MRPL1: variants seen among roughly 807,000 people sequenced by gnomAD.
The protein encoded by MRPL1 is large ribosomal subunit protein uL1m.
In MRPL1, 28 loss-of-function variants were observed where a neutral mutation model predicts 38.0. The ratio of observed to expected loss-of-function variants is 0.74; its 90% confidence interval spans 0.55 to 1.01. The LOEUF (loss-of-function observed/expected upper bound fraction) is 1.01, where lower values mean the gene tolerates loss of function less well. MRPL1 is among the 50% of genes least tolerant of loss of function. The pLI, the probability that MRPL1 is intolerant of heterozygous loss-of-function variation, is 0.00. For synonymous variants in MRPL1, 123 were observed against 126.7 expected (o/e 0.97, Z 0.20); for missense variants, 358 against 389.8 (o/e 0.92, Z 0.69).
chr4:77,891,416 C>T (rs1225628699), intron 5 of MRPL1, among the ~76,000 whole-genome samples: 4 of 148,810 alleles, frequency 2.7e-5, no homozygotes, highest in Admixed American at 6.7e-5. Flanking sequence ...AGTGCAGTGA[C>T]GTGATCTCGG....
chr4:77,899,438 T>C (rs2110243345), intron 6 of MRPL1, among the ~76,000 whole-genome samples: 1 of 152,304 alleles, frequency 6.6e-6, no homozygotes, highest in African/African-American at 2.4e-5. Context: ...TTTCAAATAA[T>C]GGTCTTCAGC....
intron 7 of MRPL1, among the ~76,000 whole-genome samples, chr4:77,939,874 G>A (rs1165909226): frequency 1.3e-5 from 2 of 152,086 alleles, no homozygotes; most frequent in South Asian, 2.1e-4. Context: ...TTATTTCTGG[G>A]TTCTCTATTC....
At chr4:77,882,354 C>T (rs973157660) in intron 2 of MRPL1, among the ~76,000 whole-genome samples, 5 of 152,142 alleles carry the variant, frequency 3.3e-5, no homozygotes, top group Admixed American at 3.3e-4. Context: ...ACACAATTCA[C>T]CCATTTAAAG....
chr4:77,878,112 C>G (rs777528972), intron 2 of MRPL1, among the ~76,000 whole-genome samples: 1 of 152,114 alleles, frequency 6.6e-6, no homozygotes, highest in East Asian at 1.9e-4. Context: ...CGTGCTCTGG[C>G]GCAAGGGAGA....
At chr4:77,877,045 C>T (rs780959045) in intron 2 of MRPL1, among the ~76,000 whole-genome samples, 11 of 152,216 alleles carry the variant, frequency 7.2e-5, no homozygotes, top group Non-Finnish European at 1.2e-4. Flanking sequence ...GGATTACAGG[C>T]GCGCACCACC....
chr4:77,882,669 TATTA>T (rs1735572729), intron 2 of MRPL1, among the ~76,000 whole-genome samples: 2 of 152,264 alleles, frequency 1.3e-5, no homozygotes, highest in African/African-American at 4.8e-5. Flanking sequence ...TTCATTCTTT[TATTA>T]ATTGTTGATT....
intron 6 of MRPL1, among the ~76,000 whole-genome samples, chr4:77,905,851 T>C (rs1314959337): frequency 2.0e-5 from 3 of 152,232 alleles, no homozygotes; most frequent in Non-Finnish European, 4.4e-5. Flanking sequence ...ATCAGTATGA[T>C]ATCAGGCTCA....
At position 77,894,208 on chromosome 4, in the gene MRPL1, T is replaced by G. The variant is rs1360330580; in HGVS notation, c.628T>G (p.Leu210Val). ...AGAAATAATGCCTGAACTTAATCGA[T>G]TAAGGAAGAAACTGAATAAAAAATA... ...VPEIMPELNR[L>V]RKKLNKKYPK... is the part of the protein sequence containing the mutation. The change falls in exon 6 of 9, where the codon TTA (leucine) becomes GTA (valine). Residue 210 changes from leucine (L) to valine (V), a missense_variant. Leu to Val is a conservative substitution (Grantham distance 32). Coordinates refer to ENST00000315567, the MANE Select transcript of MRPL1 (RefSeq NM_020236.4). 5.6e-6 allele frequency: 9 copies of G among 1,606,326 alleles called. No individual in the cohort carries two copies. The East Asian group carries it at 1.3e-4, about 24-fold the overall frequency.
intron 4 of MRPL1, 59 bp downstream of exon 4, chr4:77,885,398 C>CAAA: frequency 7.5e-6 from 10 of 1,338,958 alleles, no homozygotes; most frequent in Non-Finnish European, 1.1e-5. Flanking sequence ...GACGGAGTCT[C>CAAA]ACTCTGTCAC....
chr4:77,905,496 C>CAAAA (rs374398968), intron 6 of MRPL1, among the ~76,000 whole-genome samples: 124 of 63,254 alleles, frequency 2.0e-3, no homozygotes, highest in Non-Finnish European at 2.4e-3. Flanking sequence ...GACTCCGTCT[C>CAAAA]AAAAAAAAAA....
intron 1 of MRPL1, among the ~76,000 whole-genome samples, chr4:77,867,530 C>CTTTTCT (rs548304554): frequency 0.029 from 4,373 of 150,056 alleles, 191 homozygotes; most frequent in African/African-American, 0.1. Flanking sequence ...TTGGATAATT[C>CTTTTCT]TTTTCTTTTT....
At chr4:77,889,268 T>G (rs1045617675) in intron 5 of MRPL1, among the ~76,000 whole-genome samples, 1 of 152,128 alleles carries the variant, frequency 6.6e-6, no homozygotes, top group Non-Finnish European at 1.5e-5. Flanking sequence ...GAACAGAAAT[T>G]ATAACAAACT....
chr4:77,908,668 A>G (rs1040422994), intron 6 of MRPL1, among the ~76,000 whole-genome samples: 1 of 152,230 alleles, frequency 6.6e-6, no homozygotes, highest in Non-Finnish European at 1.5e-5. Flanking sequence ...TATTACCACA[A>G]ACAGTTGCTT....
chr4:77,896,883 G>GT (rs1404883930), intron 6 of MRPL1, among the ~76,000 whole-genome samples: 1 of 151,742 alleles, frequency 6.6e-6, no homozygotes, highest in Non-Finnish European at 1.5e-5. Context: ...ATTAAAACCT[G>GT]TTTTTTTAAA....
intron 4 of MRPL1, among the ~76,000 whole-genome samples, chr4:77,885,565 C>T (rs1735658881): frequency 6.6e-6 from 1 of 152,138 alleles, no homozygotes. Flanking sequence ...CAGGTTTTCA[C>T]CATGTTGGCC....
At chr4:77,895,173 C>T (rs1158184355) in intron 6 of MRPL1, among the ~76,000 whole-genome samples, 1 of 152,088 alleles carries the variant, frequency 6.6e-6, no homozygotes, top group Non-Finnish European at 1.5e-5. Flanking sequence ...ATAATCTGTT[C>T]TTTAGAGCTT....
chr4:77,906,391 A>T (rs1736159425), intron 6 of MRPL1, among the ~76,000 whole-genome samples: 1 of 152,158 alleles, frequency 6.6e-6, no homozygotes, highest in South Asian at 2.1e-4. Flanking sequence ...TTACATTAAG[A>T]GGAATGTTGG....
At position 77,913,791 on chromosome 4, in the gene MRPL1, A is replaced by G. The variant is rs117702992; in HGVS notation, c.777+4419A>G. Reference sequence around the variant, plus strand: ...AAATTCTTCAGTAATAAAAAGAAATAAAGTTGATACATTCTACCATACTGA... The same window carrying G: ...AAATTCTTCAGTAATAAAAAGAAATGAAGTTGATACATTCTACCATACTGA... On this transcript the variant is annotated intron_variant, in intron 7 of 8. Coordinates refer to ENST00000315567, the MANE Select transcript of MRPL1 (RefSeq NM_020236.4). Among the ~76,000 whole-genome samples the G allele has an allele frequency of 1.2e-3, 178 of 152,378 alleles. 4 individuals carry two copies. In the East Asian group the frequency reaches 0.031, roughly 27 times the overall value.
At chr4:77,926,174 C>A (rs1175599396) in intron 7 of MRPL1, among the ~76,000 whole-genome samples, 1 of 152,260 alleles carries the variant, frequency 6.6e-6, no homozygotes, top group Admixed American at 6.5e-5. Context: ...TTTTTTTATC[C>A]TTACTTTATC....
Sources: allele counts gnomAD v4.1 joint callset (sites outside exome capture counted in the v4.1 genomes callset), GRCh38; gene constraint gnomAD v4.1.1; transcripts MANE v1.5; gene names NCBI Gene and HGNC (gene_info 2026-07-23, HGNC 2026-07-21).